ABHD14B: variants seen among roughly 807,000 people sequenced by gnomAD.
ABHD14B encodes the protein putative protein-lysine deacylase ABHD14B.
In ABHD14B, 19 loss-of-function variants were observed where a neutral mutation model predicts 15.4. The ratio of observed to expected loss-of-function variants is 1.23; its 90% CI spans 0.86 to 1.81. ABHD14B has a LOEUF of 1.81. Among genes scored for constraint, ABHD14B ranks in the 40% most tolerant of loss-of-function variants. The pLI, the probability that ABHD14B is intolerant of heterozygous loss-of-function variation, is 0.00. For missense variants in ABHD14B, 243 were observed against 267.0 expected (o/e 0.91, Z 0.63); for synonymous variants, 92 against 117.3 (o/e 0.78, Z 1.39).
rs1019026930 is a variant in ABHD14B, at chr3:51,969,254, T to C, written c.*172A>G. 5.7e-6 allele frequency: 4 copies of C among 700,066 alleles called. No homozygotes were observed. The Admixed American group carries it at 9.9e-5, about 17-fold the overall frequency. 43.4% of individuals were successfully genotyped at this position (700,066 alleles called of 1,614,324 possible). On this transcript the variant is annotated 3_prime_UTR_variant, in exon 4 of 4. Coordinates refer to ENST00000361143, the MANE Select transcript of ABHD14B (RefSeq NM_001146314.2). The stretch of plus-strand genomic sequence containing the variant: ...TGATTTTACCCCCTCAGTCTATCAC[T>C]GCAAGAGAAAGAGGTAGAAAAGACA...
intron 1 of ABHD14B, among the ~76,000 whole-genome samples, chr3:51,972,164 G>A (rs1408259035): frequency 2.0e-5 from 3 of 149,808 alleles, no homozygotes; most frequent in Non-Finnish European, 3.0e-5. Context: ...TTGAACCCGG[G>A]AGGCAGAGGT....
chr3:51,973,530 T>C (rs1700706499), intron 1 of ABHD14B, among the ~76,000 whole-genome samples: 1 of 142,506 alleles, frequency 7.0e-6, no homozygotes, highest in African/African-American at 3.0e-5. Flanking sequence ...TTTTTTTTTT[T>C]TTTAAGAGAA....
intron 1 of ABHD14B, chr3:51,973,616 T>C (rs1247025812): frequency 5.6e-6 from 2 of 357,796 alleles, no homozygotes; most frequent in Non-Finnish European, 5.5e-6. Context: ...CTTCCTGGGC[T>C]CAAGTGATCC....
rs765966516 is a variant in ABHD14B, at chr3:51,969,926, T to C, written c.453+17A>G. 9 of 1,614,104 alleles carry C rather than the reference T, an allele frequency of 5.6e-6. No individual in the cohort carries two copies. The South Asian group carries it at 8.8e-5, about 16-fold the overall frequency. ...TTGCTCCTGGCAGGGGCACCTCAGC[T>C]TCCCACACAAGGGTACCTTCACACT... On this transcript the variant is annotated intron_variant, in intron 3 of 3. Coordinates refer to ENST00000361143, the MANE Select transcript of ABHD14B (RefSeq NM_001146314.2).
chr3:51,974,006 G>C lies in ABHD14B; in HGVS notation c.-70C>G. ...ACTCGCGCAGACGGGAAGCAGGCGC[G>C]TGCTGGCGGTGACCTGGGGCCGGAG... On this transcript the variant is annotated 5_prime_UTR_variant, in exon 1 of 4. Coordinates refer to ENST00000361143, the MANE Select transcript of ABHD14B (RefSeq NM_001146314.2). 1 of 1,289,068 alleles carries C rather than the reference G, an allele frequency of 7.8e-7. No individual in the cohort carries two copies. Among genetic ancestry groups the C allele is most frequent in the African/African-American group, 1.5e-5 (1 of 65,974 alleles). 79.9% of individuals were successfully genotyped at this position (1,289,068 alleles called of 1,614,324 possible).
Position 51,968,953 on chromosome 3 carries a change from C to T in ABHD14B, c.*473G>A, listed in dbSNP as rs1700582511. On this transcript the variant is annotated 3_prime_UTR_variant, in exon 4 of 4. Transcript: ENST00000361143. ...ATGTACCTATGCAGTTGCCCTCAAG[C>T]GAAGGGTCATATTTGGAAACAAGGA... 1 of 161,224 alleles carries T rather than the reference C, an allele frequency of 6.2e-6. No homozygotes were observed. Among genetic ancestry groups the T allele is most frequent in the African/African-American group, 2.4e-5 (1 of 41,542 alleles). The allele number at this position is 161,224 out of a possible 1,614,324, so 10.0% of individuals were successfully genotyped here.
chr3:51,971,731 C>T, intron 1 of ABHD14B, 33 bp from the exon 2 acceptor site: 1 of 1,580,806 alleles, frequency 6.3e-7, no homozygotes, highest in Non-Finnish European at 8.6e-7. Context: ...TGAGGGGCCA[C>T]AGAACACCCT....
intron 1 of ABHD14B, chr3:51,973,639 C>A: frequency 2.7e-6 from 1 of 368,570 alleles, no homozygotes; most frequent in South Asian, 2.0e-5. Flanking sequence ...CCGGCTCACC[C>A]CCAGTAGCTG....
intron 2 of ABHD14B, 159 bp downstream of exon 2, chr3:51,971,301 T>C (rs947164266): frequency 1.2e-6 from 1 of 820,498 alleles, no homozygotes; most frequent in Admixed American, 3.2e-5. Context: ...GCAGTGTGCT[T>C]GACCAAACGC....
intron 2 of ABHD14B, 27 bp from the exon 3 acceptor site, chr3:51,970,211 C>T (rs762773322): frequency 6.6e-7 from 1 of 1,518,246 alleles, no homozygotes; most frequent in Non-Finnish European, 8.8e-7. Flanking sequence ...GTGAAAGAGA[C>T]AAGACAAGGG....
At position 51,970,617 on chromosome 3, in the gene ABHD14B, T is replaced by C. The variant is rs750457253; in HGVS notation, c.212-433A>G. On this transcript the variant is annotated intron_variant, in intron 2 of 3. Transcript: ENST00000361143. Reference sequence around the variant, plus strand: ...TGTGTGAAAGGCACCTGGCCCTGGATTGGGACAAGAGAGGCTCCTGAAGGA... The same window carrying C: ...TGTGTGAAAGGCACCTGGCCCTGGACTGGGACAAGAGAGGCTCCTGAAGGA... The C allele has an allele frequency of 1.5e-5, 7 of 460,244 alleles. No individual in the cohort carries two copies. The East Asian group carries it at 2.1e-4, about 13-fold the overall frequency. 28.5% of individuals were successfully genotyped at this position (460,244 alleles called of 1,614,324 possible).
At chr3:51,974,068 GGGGCGGGGACT>G (rs1700728368), upstream of ABHD14B, 13 of 1,286,074 alleles carry the variant, frequency 1.0e-5, no homozygotes, top group Non-Finnish European at 1.3e-5. Flanking sequence ...CCATCCAGCG[GGGGCGGGGACT>G]GGGCCGTGCT....
Position 51,970,099 on chromosome 3 carries a change from G to A in ABHD14B, c.297C>T (p.Ala99=), listed in dbSNP as rs1700627189. The change falls in exon 3 of 4, where the codon GCC becomes GCT. Residue 99 remains alanine (A), a synonymous_variant. Coordinates refer to ENST00000361143, the MANE Select transcript of ABHD14B (RefSeq NM_001146314.2). Reference sequence around the variant, plus strand: ...TCACAACCGGGGGGCCCAGCTCCAAGGCATCCACCACAGCCGCCAGGAAGC... The same window carrying A: ...TCACAACCGGGGGGCCCAGCTCCAAAGCATCCACCACAGCCGCCAGGAAGC... The part of the protein sequence containing the change: ...PGSFLAAVVD[A]LELGPPVVIS... The A allele has an allele frequency of 1.3e-6, 2 of 1,596,588 alleles. No individual in the cohort carries two copies. Among genetic ancestry groups the A allele is most frequent in the African/African-American group, 1.3e-5 (1 of 74,508 alleles).
chr3:51,972,731 T>C, intron 1 of ABHD14B, among the ~76,000 whole-genome samples: 1 of 152,206 alleles, frequency 6.6e-6, no homozygotes, highest in Middle Eastern at 3.2e-3. Context: ...AGGTGGTTGA[T>C]AGGATTAAAT....
chr3:51,970,168 C>T lies in ABHD14B; in HGVS notation c.228G>A (p.Lys76=). 1 of 1,535,846 alleles carries T rather than the reference C, an allele frequency of 6.5e-7. No homozygotes were observed. Among genetic ancestry groups the T allele is most frequent in the Non-Finnish European group, 8.7e-7 (1 of 1,143,966 alleles). ...CAATAGGGGCAGGGGCTGCTGCTTCCTTGGAGTGCCCCAGACCTGCAGGGA... is the reference window on the plus strand; with the variant it reads ...CAATAGGGGCAGGGGCTGCTGCTTCTTTGGAGTGCCCCAGACCTGCAGGGA... ...AIDLPGLGHS[K]EAAAPAPIGE... The change falls in exon 3 of 4, where the codon AAG becomes AAA. Residue 76 remains lysine, a synonymous_variant. Coordinates refer to ENST00000361143, the MANE Select transcript of ABHD14B (RefSeq NM_001146314.2).
chr3:51,974,119 G>A, upstream of ABHD14B: 1 of 1,151,472 alleles, frequency 8.7e-7, no homozygotes. Context: ...CCACAAGCTC[G>A]CAGCGTCCAT....
chr3:51,971,229 A>C, intron 2 of ABHD14B: 2 of 507,600 alleles, frequency 3.9e-6, no homozygotes, highest in African/African-American at 1.9e-5. Flanking sequence ...ATGCCCAGGT[A>C]ACAGTGAGGA....
Position 51,971,594 on chromosome 3 carries a change from G to T in ABHD14B, c.77C>A (p.Pro26His). Residue 26 changes from proline to histidine, a missense_variant, in exon 2 of 4, where the codon CCC becomes CAC. Pro to His is a moderately conservative substitution (Grantham distance 77). Transcript: ENST00000361143. ...AGAGAAGCGAGCCTGCCCACTGCCG[G>T]GCAGGGCCTCTCGGAAGAAGAGGGC... is the stretch of plus-strand genomic sequence containing the variant. ...GQALFFREAL[P>H]GSGQARFSVL... 8 of 1,613,524 alleles carry T rather than the reference G, an allele frequency of 5.0e-6. No individual in the cohort carries two copies. Among genetic ancestry groups the T allele is most frequent in the Non-Finnish European group, 6.8e-6 (8 of 1,179,948 alleles).
At chr3:51,970,658 C>T (rs1241167562) in intron 2 of ABHD14B, 6 of 457,770 alleles carry the variant, frequency 1.3e-5, no homozygotes, top group Non-Finnish European at 2.2e-5. Context: ...GCTGAGGGGT[C>T]GGTTCTGCAG....
Sources: allele counts gnomAD v4.1 joint callset (sites outside exome capture counted in the v4.1 genomes callset), GRCh38; gene constraint gnomAD v4.1.1; transcripts MANE v1.5; gene names NCBI Gene and HGNC (gene_info 2026-07-23, HGNC 2026-07-21).